MLYCD: variants seen among roughly 807,000 people sequenced by gnomAD.
MLYCD encodes malonyl-CoA decarboxylase.
A neutral mutation model predicts 35.8 loss-of-function variants in MLYCD; 27 were observed. That is an observed-to-expected ratio of 0.75 (90% CI 0.56 to 1.04). The LOEUF (loss-of-function observed/expected upper bound fraction) is 1.04, where lower values mean the gene tolerates loss of function less well. Ranked by LOEUF, MLYCD falls within the 50% of genes least tolerant of loss-of-function variation. The pLI, the probability that MLYCD is intolerant of heterozygous loss-of-function variation, is 0.00. For synonymous variants in MLYCD, 403 were observed against 302.4 expected, an observed-to-expected ratio of 1.33 and a Z score of -3.45; for missense variants, 917 against 665.1, an observed-to-expected ratio of 1.38 and a Z score of -4.17.
chr16:83,917,882 C>G lies in MLYCD; in HGVS notation c.*2393C>G, dbSNP rs1442719201. ...CGGTGGCGCCCTTCCTGGCTGTGTC[C>G]TTCACCTGTGCTGTCTGGTTCTCTC... On this transcript the variant is annotated 3_prime_UTR_variant, in exon 5 of 5. Coordinates refer to ENST00000262430, the MANE Select transcript of MLYCD (RefSeq NM_012213.3). 1.3e-5 allele frequency: 2 copies of G among 152,352 alleles called. No homozygotes were observed. The highest frequency in any genetic ancestry group is 4.8e-5 in the African/African-American group (2 of 41,446). 9.4% of individuals were successfully genotyped at this position (152,352 alleles called of 1,614,324 possible).
rs1390896157 is a variant in MLYCD at position 83,920,141 on chromosome 16, A to T, written c.*4652A>T. On this transcript the variant is annotated 3_prime_UTR_variant, in exon 5 of 5. Coordinates refer to ENST00000262430, the MANE Select transcript of MLYCD (RefSeq NM_012213.3). The stretch of plus-strand genomic sequence containing the variant: ...GCAGAACACCCGCAGTGCACAGGAG[A>T]ACCTAGTGCACAGAACACACACCCT... 1 of 152,112 alleles carries T rather than the reference A, an allele frequency of 6.6e-6. No individual in the cohort carries two copies. The highest frequency in any genetic ancestry group is 1.5e-5 in the Non-Finnish European group (1 of 68,042). The allele number at this position is 152,112 out of a possible 1,614,324, so 9.4% of individuals were successfully genotyped here. A position where few individuals can be genotyped will look rare whatever the true frequency, so the allele number is the denominator to read the frequency against.
At chr16:83,901,836 G>T (rs1906797093) in intron 1 of MLYCD, among the ~76,000 whole-genome samples, 1 of 151,932 alleles carries the variant, frequency 6.6e-6, no homozygotes, top group South Asian at 2.1e-4. Context: ...TTACAGAAGG[G>T]AAAAAAACAT....
Position 83,915,117 on chromosome 16 carries a change from C to T in MLYCD, c.1110C>T (p.Pro370=), listed in dbSNP as rs1453481598. The change falls in exon 5 of 5, where the codon CCC becomes CCT. Residue 370 remains proline, a synonymous_variant. Coordinates refer to ENST00000262430, the MANE Select transcript of MLYCD (RefSeq NM_012213.3). ...CKEISEITGG[P]INETLKLLLS... ...AAATCTCGGAGATCACAGGTGGCCC[C>T]ATTAACGAGACCCTCAAGCTCCTCC... The T allele has an allele frequency of 1.9e-6, 3 of 1,614,256 alleles. No individual in the cohort carries two copies. Among genetic ancestry groups the T allele is most frequent in the Non-Finnish European group, 2.5e-6 (3 of 1,180,054 alleles).
Position 83,916,544 on chromosome 16 carries a change from A to C in MLYCD, c.*1055A>C, listed in dbSNP as rs1907397918. 1 of 132,594 alleles carries C rather than the reference A, an allele frequency of 7.5e-6. No homozygotes were observed. Among genetic ancestry groups the C allele is most frequent in the Non-Finnish European group, 1.5e-5 (1 of 64,894 alleles). 8.2% of individuals were successfully genotyped at this position (132,594 alleles called of 1,614,324 possible). A position where few individuals can be genotyped will look rare whatever the true frequency, so the allele number is the denominator to read the frequency against. On this transcript the variant is annotated 3_prime_UTR_variant, in exon 5 of 5. Transcript: ENST00000262430. ...TGCACGAGCATCTCTGGATCAGTGC[A>C]CGTCTGTGTGCATGTGCCCGAGCGT... is the stretch of plus-strand genomic sequence containing the variant.
chr16:83,917,315 C>T lies in MLYCD; in HGVS notation c.*1826C>T, dbSNP rs1324510875. 1 of 153,938 alleles carries T rather than the reference C, an allele frequency of 6.5e-6. No homozygotes were observed. The highest frequency in any genetic ancestry group is 1.5e-5 in the Non-Finnish European group (1 of 68,284). 9.5% of individuals were successfully genotyped at this position (153,938 alleles called of 1,614,324 possible). On this transcript the variant is annotated 3_prime_UTR_variant, in exon 5 of 5. Coordinates refer to ENST00000262430, the MANE Select transcript of MLYCD (RefSeq NM_012213.3). Reference sequence around the variant, plus strand: ...CGTGTGCACAAGCATCTGTGTGTGTCAGTGCACGTCTGTGTGCGTGTGCAC... The same window carrying T: ...CGTGTGCACAAGCATCTGTGTGTGTTAGTGCACGTCTGTGTGCGTGTGCAC...
chr16:83,902,828 T>C (rs1249419569), intron 1 of MLYCD, among the ~76,000 whole-genome samples: 1 of 152,176 alleles, frequency 6.6e-6, no homozygotes, highest in East Asian at 1.9e-4. Flanking sequence ...TTTAAAATGT[T>C]CTTTTCCTCT....
Position 83,915,361 on chromosome 16 carries a change from G to T in MLYCD, c.1354G>T (p.Ala452Ser), listed in dbSNP as rs1298866519. 2.5e-6 allele frequency: 4 copies of T among 1,613,730 alleles called. No homozygotes were observed. Among genetic ancestry groups the T allele is most frequent in the Non-Finnish European group, 3.4e-6 (4 of 1,180,040 alleles). ...RGITGSCGLM[A>S]NYRYFLEETG... is the part of the protein sequence containing the mutation. ...CATCACCGGCTCCTGCGGCCTGATG[G>T]CCAACTACCGCTACTTCCTGGAGGA... Residue 452 changes from alanine to serine, a missense_variant, in exon 5 of 5, where the codon GCC becomes TCC. Physicochemically the swap from Ala to Ser is moderately conservative, Grantham distance 99. Coordinates refer to ENST00000262430, the MANE Select transcript of MLYCD (RefSeq NM_012213.3).
In MLYCD at chr16:83,922,229, G is replaced by C. The variant is rs996865197; in HGVS notation, c.*6740G>C. 1 of 151,076 alleles carries C rather than the reference G, an allele frequency of 6.6e-6. No homozygotes were observed. The highest frequency in any genetic ancestry group is 2.4e-5 in the African/African-American group (1 of 40,938). 9.4% of individuals were successfully genotyped at this position (151,076 alleles called of 1,614,324 possible). A position where few individuals can be genotyped will look rare whatever the true frequency, so the allele number is the denominator to read the frequency against. Reference sequence around the variant, plus strand: ...CCTGTGCTTCCGGAGCCCGCGTCCCGTCCCATCTCAGGAGCTACTCTGCTC... The same window carrying C: ...CCTGTGCTTCCGGAGCCCGCGTCCCCTCCCATCTCAGGAGCTACTCTGCTC... On this transcript the variant is annotated 3_prime_UTR_variant, in exon 5 of 5. Coordinates refer to ENST00000262430, the MANE Select transcript of MLYCD (RefSeq NM_012213.3).
intron 1 of MLYCD, among the ~76,000 whole-genome samples, chr16:83,904,018 C>G (rs1906888125): frequency 1.3e-5 from 2 of 152,182 alleles, no homozygotes; most frequent in African/African-American, 4.8e-5. Context: ...ACGGAGACTT[C>G]TAACCTTTAG....
At position 83,925,166 on chromosome 16, in the gene MLYCD, G is replaced by C. The variant is rs1406478811; in HGVS notation, c.*9677G>C. The C allele has an allele frequency of 6.6e-6, 1 of 152,582 alleles. No individual in the cohort carries two copies. The highest frequency in any genetic ancestry group is 1.5e-5 in the Non-Finnish European group (1 of 68,336). The allele number at this position is 152,582 out of a possible 1,614,324, so 9.5% of individuals were successfully genotyped here. On this transcript the variant is annotated 3_prime_UTR_variant, in exon 5 of 5. Coordinates refer to ENST00000262430, the MANE Select transcript of MLYCD (RefSeq NM_012213.3). ...GCACAGTCCCCTCACTGGTGACACA[G>C]ACACCCCATACCTGTGTGTTTCCCC...
rs148038491 is a variant in MLYCD, at chr16:83,918,590, G to A, written c.*3101G>A. 6 of 144,390 alleles carry A rather than the reference G, an allele frequency of 4.2e-5. No homozygotes were observed. Among genetic ancestry groups the A allele is most frequent in the African/African-American group, 1.6e-4 (6 of 37,516 alleles). The allele number at this position is 144,390 out of a possible 1,614,324, so 8.9% of individuals were successfully genotyped here. A position where few individuals can be genotyped will look rare whatever the true frequency, so the allele number is the denominator to read the frequency against. ...GTGCACAGAACACACACAGTGCACA[G>A]GAGAACACGCACAGTGCACAGGAGA... On this transcript the variant is annotated 3_prime_UTR_variant, in exon 5 of 5. Transcript: ENST00000262430.
rs984625230 is a variant in MLYCD, at chr16:83,923,606, C to T, written c.*8117C>T. On this transcript the variant is annotated 3_prime_UTR_variant, in exon 5 of 5. Transcript: ENST00000262430. The stretch of plus-strand genomic sequence containing the variant: ...GTTCCTGGTTCCAGCCTGCCTCCTT[C>T]CCTAGAGGATCACCGTGTCCAGCCC... The T allele has an allele frequency of 6.6e-6, 1 of 152,290 alleles. No individual in the cohort carries two copies. Among genetic ancestry groups the T allele is most frequent in the Non-Finnish European group, 1.5e-5 (1 of 68,072 alleles). 9.4% of individuals were successfully genotyped at this position (152,290 alleles called of 1,614,324 possible).
chr16:83,914,785 G>GA (rs1042338803), intron 4 of MLYCD, 171 bp from the exon 5 acceptor site: 22 of 982,912 alleles, frequency 2.2e-5, no homozygotes, highest in African/African-American at 1.8e-4. Context: ...ACTCTAAGAG[G>GA]AAAAAAAGAA....
In MLYCD at chr16:83,917,499, C is replaced by G. The variant is rs1907463480; in HGVS notation, c.*2010C>G. 1 of 154,420 alleles carries G rather than the reference C, an allele frequency of 6.5e-6. No individual in the cohort carries two copies. The highest frequency in any genetic ancestry group is 2.4e-5 in the African/African-American group (1 of 41,496). 9.6% of individuals were successfully genotyped at this position (154,420 alleles called of 1,614,324 possible). ...CCTCACCTTCCTTGCCTTTCATCTC[C>G]TGTGACCCTCGCCAGGCCCCTTCTC... On this transcript the variant is annotated 3_prime_UTR_variant, in exon 5 of 5. Coordinates refer to ENST00000262430, the MANE Select transcript of MLYCD (RefSeq NM_012213.3).
Position 83,919,394 on chromosome 16 carries a change from A to T in MLYCD, c.*3905A>T, listed in dbSNP as rs1907566162. The T allele has an allele frequency of 6.6e-6, 1 of 150,684 alleles. No homozygotes were observed. Among genetic ancestry groups the T allele is most frequent in the Non-Finnish European group, 1.5e-5 (1 of 68,244 alleles). 9.3% of individuals were successfully genotyped at this position (150,684 alleles called of 1,614,324 possible). A position where few individuals can be genotyped will look rare whatever the true frequency, so the allele number is the denominator to read the frequency against. On this transcript the variant is annotated 3_prime_UTR_variant, in exon 5 of 5. Coordinates refer to ENST00000262430, the MANE Select transcript of MLYCD (RefSeq NM_012213.3). ...CACAGGAGAACACAGTGCACAGGAGAACACACACTGCACAGAACAAATGCA... is the reference window on the plus strand; with the variant it reads ...CACAGGAGAACACAGTGCACAGGAGTACACACACTGCACAGAACAAATGCA...
chr16:83,907,420 A>T (rs1907019300), intron 2 of MLYCD, among the ~76,000 whole-genome samples: 1 of 152,188 alleles, frequency 6.6e-6, no homozygotes, highest in African/African-American at 2.4e-5. Flanking sequence ...GAGTTGTAGA[A>T]ACTCACTGGA....
At position 83,918,776 on chromosome 16, in the gene MLYCD, CCACACAGTGCACAGGAGAATACGCA is replaced by C. The variant is rs1162478500; in HGVS notation, c.*3302_*3326del. The C allele has an allele frequency of 7.2e-5, 9 of 125,200 alleles. No individual in the cohort carries two copies. Among genetic ancestry groups the C allele is most frequent in the African/African-American group, 2.8e-4 (9 of 32,468 alleles). The allele number at this position is 125,200 out of a possible 1,614,324, so 7.8% of individuals were successfully genotyped here. A position where few individuals can be genotyped will look rare whatever the true frequency, so the allele number is the denominator to read the frequency against. ...GAACACGCACACAGTGCACAGAGAA[CCACACAGTGCACAGGAGAATACGCA>C]CACACAGTGCACAGAACACAGACAC... On this transcript the variant is annotated 3_prime_UTR_variant, in exon 5 of 5. Transcript: ENST00000262430.
At chr16:83,905,629 A>C (rs1906946847) in intron 1 of MLYCD, among the ~76,000 whole-genome samples, 1 of 152,210 alleles carries the variant, frequency 6.6e-6, no homozygotes, top group Admixed American at 6.5e-5. Flanking sequence ...CTGCAGTGGA[A>C]AGGACAAAGA....
intron 1 of MLYCD, among the ~76,000 whole-genome samples, chr16:83,901,747 G>C (rs949036452): frequency 2.6e-5 from 4 of 152,200 alleles, no homozygotes; most frequent in Non-Finnish European, 5.9e-5. Flanking sequence ...TTGAGAGAAA[G>C]GAGCTGGCCC....
Sources: allele counts gnomAD v4.1 joint callset (sites outside exome capture counted in the v4.1 genomes callset), GRCh38; gene constraint gnomAD v4.1.1; transcripts MANE v1.5; gene names NCBI Gene and HGNC (gene_info 2026-07-23, HGNC 2026-07-21).